RGS7: variants seen among roughly 807,000 people sequenced by gnomAD.
RGS7 encodes the protein regulator of G-protein signaling 7.
Under a neutral mutation model 81.1 loss-of-function variants are expected in RGS7, and 27 were observed. That is an observed-to-expected ratio of 0.33 (90% confidence interval 0.25 to 0.46). The LOEUF is 0.46. RGS7 is among the 20% of genes least tolerant of loss of function. RGS7 has a pLI of 1.00. For missense variants in RGS7, 396 were observed against 607.4 expected (o/e 0.65, Z 3.66); for synonymous variants, 208 against 207.7 (o/e 1.00, Z -0.01).
At chr1:241,143,475 C>T (rs1572872757) in intron 2 of RGS7, among the ~76,000 whole-genome samples, 1 of 152,048 alleles carries the variant, frequency 6.6e-6, no homozygotes, top group Non-Finnish European at 1.5e-5. Flanking sequence ...TGGTGGCAGG[C>T]AAAAAGAGAG....
In RGS7 at chr1:241,204,775, T is replaced by C. The variant is rs551529422; in HGVS notation, c.79-106013A>G. Among the ~76,000 whole-genome samples, 3 of 152,096 alleles carry C rather than the reference T, an allele frequency of 2.0e-5. No homozygotes were observed. The East Asian group carries it at 5.8e-4, about 29-fold the overall frequency. On this transcript the variant is annotated intron_variant, in intron 2 of 18. Transcript: ENST00000440928. ...CACACTCTGGGGTTTTCACTAATGT[T>C]TTAAATAGGCTTTACATAGAGCAGC...
intron 2 of RGS7, among the ~76,000 whole-genome samples, chr1:241,137,667 C>T (rs555901539): frequency 2.0e-5 from 3 of 152,266 alleles, no homozygotes; most frequent in Admixed American, 6.5e-5. Flanking sequence ...AGGAGCTGAT[C>T]CTTAAATTTT....
intron 2 of RGS7, among the ~76,000 whole-genome samples, chr1:241,104,928 CAT>C (rs151004845): frequency 0.17 from 26,347 of 152,020 alleles, 2,805 homozygotes; most frequent in African/African-American, 0.29. Flanking sequence ...TTGTTTAAGG[CAT>C]ATGTTTGCAT....
intron 2 of RGS7, among the ~76,000 whole-genome samples, chr1:241,201,534 A>C (rs1298916871): frequency 6.6e-6 from 1 of 152,078 alleles, no homozygotes; most frequent in Non-Finnish European, 1.5e-5. Context: ...TTCTGTACTC[A>C]CCAAAGTGAT....
chr1:240,859,359 CATT>C (rs1211469761), intron 9 of RGS7, among the ~76,000 whole-genome samples: 1 of 150,234 alleles, frequency 6.7e-6, no homozygotes, highest in Non-Finnish European at 1.5e-5. Flanking sequence ...TAGGCCTTCT[CATT>C]AATATATATA....
chr1:240,958,695 G>A (rs1680849720), intron 4 of RGS7, among the ~76,000 whole-genome samples: 1 of 152,090 alleles, frequency 6.6e-6, no homozygotes, highest in Non-Finnish European at 1.5e-5. Flanking sequence ...CTTGGAGCAG[G>A]TGGCACTCTC....
chr1:241,135,155 G>A (rs370027462), intron 2 of RGS7, among the ~76,000 whole-genome samples: 13 of 152,250 alleles, frequency 8.5e-5, no homozygotes, highest in East Asian at 3.9e-4. Flanking sequence ...GGCCGGGCGC[G>A]GTGGCTCATG....
intron 2 of RGS7, among the ~76,000 whole-genome samples, chr1:241,102,796 G>C (rs763815123): frequency 6.6e-6 from 1 of 152,060 alleles, no homozygotes; most frequent in Non-Finnish European, 1.5e-5. Context: ...ACAAGCTTCA[G>C]TGATTGAGAT....
chr1:241,356,240 C>T (rs925340742), intron 1 of RGS7, among the ~76,000 whole-genome samples: 3 of 139,748 alleles, frequency 2.1e-5, no homozygotes, highest in Non-Finnish European at 3.1e-5. Context: ...GAGTGGGGGG[C>T]GGGTTAGCAC....
chr1:240,844,865 T>C (rs1246074084), intron 9 of RGS7, among the ~76,000 whole-genome samples: 5 of 152,212 alleles, frequency 3.3e-5, no homozygotes, highest in African/African-American at 9.6e-5. Context: ...GGACTATTGA[T>C]AGGAAAGACA....
chr1:240,926,321 G>A (rs149966093), intron 6 of RGS7, among the ~76,000 whole-genome samples: 7 of 152,200 alleles, frequency 4.6e-5, no homozygotes, highest in Non-Finnish European at 1.0e-4. Context: ...TTTTGTATAT[G>A]GTACAAGGTA....
intron 2 of RGS7, among the ~76,000 whole-genome samples, chr1:241,195,909 GAAA>G (rs899188184): frequency 4.0e-4 from 61 of 152,146 alleles, no homozygotes; most frequent in African/African-American, 1.4e-3. Context: ...ACAATGAAAA[GAAA>G]AATGGGGCAC....
At chr1:240,869,144 A>G (rs77140825) in intron 7 of RGS7, among the ~76,000 whole-genome samples, 5,449 of 152,244 alleles carry the variant, frequency 0.036, 129 homozygotes, top group Non-Finnish European at 0.054. Context: ...TACCTAGTAC[A>G]TAAGGAGGTG....
chr1:241,197,844 A>G (rs2073190859), intron 2 of RGS7, among the ~76,000 whole-genome samples: 1 of 146,316 alleles, frequency 6.8e-6, no homozygotes, highest in South Asian at 2.2e-4. Context: ...AAAAAAAAAA[A>G]AAGATTGCAA....
At chr1:241,197,148 A>C (rs1354521963) in intron 2 of RGS7, among the ~76,000 whole-genome samples, 1 of 151,778 alleles carries the variant, frequency 6.6e-6, no homozygotes, top group Non-Finnish European at 1.5e-5. Context: ...GGATTTAAAA[A>C]ATAATTATAT....
intron 2 of RGS7, among the ~76,000 whole-genome samples, chr1:241,336,298 A>C (rs2082243544): frequency 1.3e-5 from 2 of 152,052 alleles, no homozygotes; most frequent in African/African-American, 4.8e-5. Flanking sequence ...CCTGAGCCCC[A>C]CCTATGTGAC....
rs985174477 is a variant in RGS7 at position 241,123,061 on chromosome 1, C to A, written c.79-24299G>T. Among the ~76,000 whole-genome samples, 3 of 152,170 alleles carry A rather than the reference C, an allele frequency of 2.0e-5. No homozygotes were observed. The South Asian group carries it at 6.2e-4, about 31-fold the overall frequency. On this transcript the variant is annotated intron_variant, in intron 2 of 18. Coordinates refer to ENST00000440928, the MANE Select transcript of RGS7 (RefSeq NM_001364886.1). Reference sequence around the variant, plus strand: ...AATCACAGAGACCTCTGGAATTCAACATAGCTACTCTCACAAGTGCTCAGG... The same window carrying A: ...AATCACAGAGACCTCTGGAATTCAAAATAGCTACTCTCACAAGTGCTCAGG...
intron 9 of RGS7, among the ~76,000 whole-genome samples, chr1:240,840,193 C>T (rs528445124): frequency 3.3e-5 from 5 of 152,246 alleles, no homozygotes; most frequent in Middle Eastern, 3.4e-3. Flanking sequence ...TCGGTCTCCT[C>T]GTCAAACCTC....
intron 4 of RGS7, among the ~76,000 whole-genome samples, chr1:240,949,488 G>A (rs1679192579): frequency 6.6e-6 from 1 of 152,106 alleles, no homozygotes; most frequent in Non-Finnish European, 1.5e-5. Flanking sequence ...TAAAAGTGAA[G>A]GTGACACTCT....
Sources: gnomAD v4.1 joint callset for allele counts (sites outside exome capture counted in the v4.1 genomes callset) on GRCh38, gnomAD v4.1.1 for gene constraint, MANE v1.5 for transcripts, NCBI Gene and HGNC (gene_info 2026-07-23, HGNC 2026-07-21) for gene names.